NCF2: variants seen among roughly 807,000 people sequenced by gnomAD.
NCF2 encodes neutrophil cytosolic factor 2.
NCF2 carries 45 observed loss-of-function variants against 70.9 expected under a neutral mutation model. That is an observed-to-expected ratio of 0.63 (90% CI 0.50 to 0.81). The LOEUF (loss-of-function observed/expected upper bound fraction) is 0.81. Among genes scored for constraint, NCF2 ranks in the 40% least tolerant of loss-of-function variants. The probability of loss-of-function intolerance (pLI) is 0.00; values close to 1 mark genes in which losing one functional copy is unlikely to be tolerated. For missense variants in NCF2, 522 were observed against 631.6 expected (o/e 0.83, Z 1.86); for synonymous variants, 203 against 233.6 (o/e 0.87, Z 1.19).
chr1:183,556,032 A>G lies in NCF2; in HGVS notation c.*86T>C. Reference sequence around the variant, plus strand: ...TAACACTTCCAAACTGTAATGTCTCAGTACAGTATACAGCAGAAGGGTGCT... The same window carrying G: ...TAACACTTCCAAACTGTAATGTCTCGGTACAGTATACAGCAGAAGGGTGCT... On this transcript the variant is annotated 3_prime_UTR_variant, in exon 15 of 15. Transcript: ENST00000367535. 2 of 1,078,656 alleles carry G rather than the reference A, an allele frequency of 1.9e-6. No homozygotes were observed. Among genetic ancestry groups the G allele is most frequent in the Non-Finnish European group, 2.9e-6 (2 of 695,824 alleles). 66.8% of individuals were successfully genotyped at this position (1,078,656 alleles called of 1,614,324 possible).
Position 183,558,221 on chromosome 1 carries a change from C to T in NCF2, c.1468+1875G>A, listed in dbSNP as rs147070509. Reference sequence around the variant, plus strand: ...AATTGCTACACACTTGTTGTATACTCTCTCTACCCCCATTAACTTTTTTTT... The same window carrying T: ...AATTGCTACACACTTGTTGTATACTTTCTCTACCCCCATTAACTTTTTTTT... On this transcript the variant is annotated intron_variant, in intron 14 of 14. Coordinates refer to ENST00000367535, the MANE Select transcript of NCF2 (RefSeq NM_000433.4). 2.6e-5 allele frequency among the ~76,000 whole-genome samples: 4 copies of T among 151,946 alleles called. No individual in the cohort carries two copies. In the East Asian group the frequency reaches 7.7e-4, roughly 29 times the overall value.
the NCF2 span, among the ~76,000 whole-genome samples, chr1:183,601,823 A>G: frequency 6.6e-6 from 1 of 150,442 alleles, no homozygotes; most frequent in African/African-American, 2.5e-5. Flanking sequence ...GTGCCATTGC[A>G]CTCCAGACTG....
intron 3 of NCF2, among the ~76,000 whole-genome samples, chr1:183,576,530 C>T (rs12122217): frequency 0.35 from 53,539 of 152,038 alleles, 9,603 homozygotes; most frequent in East Asian, 0.55. Flanking sequence ...ATGCGCAGGA[C>T]GCACCACAAC....
At chr1:183,560,058 A>G in intron 14 of NCF2, 38 bp downstream of exon 14, 1 of 1,597,804 alleles carries the variant, frequency 6.3e-7, no homozygotes, top group Non-Finnish European at 8.6e-7. Context: ...TTCTGCTAAC[A>G]TGTAAATTTG....
In NCF2 at chr1:183,563,188, C is replaced by G; in HGVS notation, c.1290+7G>C. ...ATGTAACTTTAGATGCCCCTCATTG[C>G]ACTCACCACTGTGTTCTCACACCAC... On this transcript the variant is annotated splice_region_variant and intron_variant, in intron 13 of 14. Transcript: ENST00000367535. 1 of 1,612,902 alleles carries G rather than the reference C, an allele frequency of 6.2e-7. No individual in the cohort carries two copies. The highest frequency in any genetic ancestry group is 8.5e-7 in the Non-Finnish European group (1 of 1,178,910).
chr1:183,567,223 G>A lies in NCF2; in HGVS notation c.836C>T (p.Thr279Met), dbSNP rs13306581. 1,966 of 1,614,094 alleles carry A rather than the reference G, an allele frequency of 1.2e-3. 27 individuals carry two copies. The East Asian group carries it at 0.029, about 23-fold the overall frequency. ...VLKKGNDNWA[T>M]VMFNGQKGLV... ...GCATACCTGCCCGTTGAACATGACCGTGGCCCAGTTATCATTGCCCTTCTT... is the reference window on the plus strand; with the variant it reads ...GCATACCTGCCCGTTGAACATGACCATGGCCCAGTTATCATTGCCCTTCTT... Residue 279 changes from threonine to methionine, a missense_variant, in exon 8 of 15, where the codon ACG becomes ATG. Thr to Met is a moderately conservative substitution (Grantham distance 81, BLOSUM62 -1). Coordinates refer to ENST00000367535, the MANE Select transcript of NCF2 (RefSeq NM_000433.4).
At chr1:183,572,323 T>TA (rs1224580905) in intron 5 of NCF2, among the ~76,000 whole-genome samples, 3 of 152,254 alleles carry the variant, frequency 2.0e-5, no homozygotes, top group African/African-American at 7.2e-5. Context: ...TAGCTGGGAT[T>TA]ACAGGCATGC....
At chr1:183,580,985 A>G (rs1673037807) in intron 2 of NCF2, among the ~76,000 whole-genome samples, 1 of 151,594 alleles carries the variant, frequency 6.6e-6, no homozygotes, top group African/African-American at 2.4e-5. Flanking sequence ...ACTCAAAAAA[A>G]AAAAAAAGGT....
intron 2 of NCF2, among the ~76,000 whole-genome samples, chr1:183,580,628 A>G (rs1673015299): frequency 6.6e-6 from 1 of 152,118 alleles, no homozygotes; most frequent in Non-Finnish European, 1.5e-5. Context: ...ACCTGGGTCT[A>G]TCTGGCATTG....
chr1:183,585,832 G>A (rs1221796185), intron 2 of NCF2, among the ~76,000 whole-genome samples: 2 of 152,082 alleles, frequency 1.3e-5, no homozygotes, highest in Admixed American at 6.5e-5. Flanking sequence ...CTTTCATTTT[G>A]AATTTATTAA....
chr1:183,563,742 A>G, intron 11 of NCF2, 157 bp from the exon 12 acceptor site: 1 of 949,238 alleles, frequency 1.1e-6, no homozygotes, highest in Non-Finnish European at 1.6e-6. Context: ...AAAGGCCTTC[A>G]GAGGTCCTTT....
chr1:183,577,783 C>A, intron 2 of NCF2, 76 bp from the exon 3 acceptor site: 1 of 1,048,714 alleles, frequency 9.5e-7, no homozygotes, highest in South Asian at 1.3e-5. Context: ...GAGTCTGCTT[C>A]TCCCTTCCCC....
chr1:183,591,705 C>T (rs976324985), upstream of NCF2, among the ~76,000 whole-genome samples: 1 of 152,090 alleles, frequency 6.6e-6, no homozygotes, highest in Non-Finnish European at 1.5e-5. Context: ...CTGATGGTCT[C>T]GAACTCCTGA....
intron 6 of NCF2, 100 bp downstream of exon 6, chr1:183,570,680 C>T: frequency 7.8e-7 from 1 of 1,279,960 alleles, no homozygotes; most frequent in Non-Finnish European, 1.1e-6. Flanking sequence ...TGAAGGAGCC[C>T]TTACAATCAG....
chr1:183,578,196 C>T (rs566903361), intron 2 of NCF2, among the ~76,000 whole-genome samples: 2 of 152,340 alleles, frequency 1.3e-5, no homozygotes, highest in South Asian at 4.1e-4. Context: ...GCCACCATCA[C>T]CCTCCTGCCC....
chr1:183,560,473 C>T (rs766479509), intron 13 of NCF2, among the ~76,000 whole-genome samples, 200 bp from the exon 14 acceptor site: 3 of 152,032 alleles, frequency 2.0e-5, no homozygotes, highest in African/African-American at 4.8e-5. Context: ...CTTTTTGGCA[C>T]GAGGGACCAG....
chr1:183,567,455 C>T, intron 7 of NCF2, 110 bp from the exon 8 acceptor site: 1 of 1,456,882 alleles, frequency 6.9e-7, no homozygotes. Context: ...TCTAACTCCA[C>T]ATCTAACTGC....
chr1:183,564,145 T>G (rs912204082), intron 10 of NCF2, 115 bp from the exon 11 acceptor site: 8 of 1,031,312 alleles, frequency 7.8e-6, no homozygotes, highest in Middle Eastern at 4.1e-4. Context: ...CCTCTTACCC[T>G]TTAATTTGTG....
At chr1:183,584,367 G>A (rs1418081860) in intron 2 of NCF2, among the ~76,000 whole-genome samples, 2 of 152,232 alleles carry the variant, frequency 1.3e-5, no homozygotes, top group East Asian at 1.9e-4. Flanking sequence ...GCCTGCTTGA[G>A]GTTGAGATTA....
Sources: allele counts gnomAD v4.1 joint callset (sites outside exome capture counted in the v4.1 genomes callset), GRCh38; gene constraint gnomAD v4.1.1; transcripts MANE v1.5; gene names NCBI Gene and HGNC (gene_info 2026-07-23, HGNC 2026-07-21).